Variants in ANKH observed in about 807,000 individuals in gnomAD.
ANKH encodes ANKH inorganic pyrophosphate transport regulator.
Under a neutral mutation model 49.0 loss-of-function variants are expected in ANKH, and 15 were observed. The observed-to-expected ratio is 0.31, with a 90% CI of 0.20 to 0.47. The LOEUF is 0.47. Among genes scored for constraint, ANKH ranks in the 20% least tolerant of loss-of-function variants. The probability of loss-of-function intolerance (pLI) is 1.00; values close to 1 mark genes in which losing one functional copy is unlikely to be tolerated. For missense variants in ANKH, 429 were observed against 652.0 expected (o/e 0.66, Z 3.72); for synonymous variants, 273 against 260.0 (o/e 1.05, Z -0.48).
chr5:14,753,216 G>C (rs1738776742), intron 4 of ANKH, among the ~76,000 whole-genome samples: 1 of 152,170 alleles, frequency 6.6e-6, no homozygotes, highest in African/African-American at 2.4e-5. Context: ...GACTCTGTGA[G>C]GTGGGAAATG....
intron 1 of ANKH, among the ~76,000 whole-genome samples, chr5:14,803,439 C>T (rs935024488): frequency 1.3e-5 from 2 of 152,048 alleles, no homozygotes; most frequent in African/African-American, 4.8e-5. Flanking sequence ...ACCACCACTC[C>T]CAACTAATTT....
chr5:14,709,073 T>C lies in ANKH; in HGVS notation c.*2124A>G, dbSNP rs547973458. 2 of 152,314 alleles carry C rather than the reference T, an allele frequency of 1.3e-5. No individual in the cohort carries two copies. Among genetic ancestry groups the C allele is most frequent in the South Asian group, 4.1e-4 (2 of 4,822 alleles). 9.4% of individuals were successfully genotyped at this position (152,314 alleles called of 1,614,324 possible). Reference sequence around the variant, plus strand: ...CACCCCCAGCTAATTTTTATGTTTTTAGTAGAGACAGGGTTTTGCCATGTT... The same window carrying C: ...CACCCCCAGCTAATTTTTATGTTTTCAGTAGAGACAGGGTTTTGCCATGTT... On this transcript the variant is annotated 3_prime_UTR_variant, in exon 12 of 12. Coordinates refer to ENST00000284268, the MANE Select transcript of ANKH (RefSeq NM_054027.6).
intron 8 of ANKH, among the ~76,000 whole-genome samples, chr5:14,722,307 G>A (rs1195564565): frequency 6.6e-6 from 1 of 152,188 alleles, no homozygotes; most frequent in African/African-American, 2.4e-5. Context: ...CAGCTGCAGA[G>A]GTGGGTTTTC....
Position 14,707,574 on chromosome 5 carries a change from T to A in ANKH, c.*3623A>T, listed in dbSNP as rs1199348839. On this transcript the variant is annotated 3_prime_UTR_variant, in exon 12 of 12. Coordinates refer to ENST00000284268, the MANE Select transcript of ANKH (RefSeq NM_054027.6). ...CCTGAGCTGGCCCCGCTGCGACGCA[T>A]CCTGGCGTCTGGAGAACTCAGCCCA... 6.6e-6 allele frequency: 1 copy of A among 152,218 alleles called. No individual in the cohort carries two copies. The highest frequency in any genetic ancestry group is 1.5e-5 in the Non-Finnish European group (1 of 68,056). The allele number at this position is 152,218 out of a possible 1,614,324, so 9.4% of individuals were successfully genotyped here. A position where few individuals can be genotyped will look rare whatever the true frequency, so the allele number is the denominator to read the frequency against.
intron 1 of ANKH, among the ~76,000 whole-genome samples, chr5:14,792,937 A>G (rs1740215325): frequency 6.9e-6 from 1 of 144,122 alleles, no homozygotes; most frequent in Admixed American, 7.3e-5. Context: ...AGATTATGCC[A>G]CCACACTCCA....
At chr5:14,786,570 G>A (rs1349300994) in intron 1 of ANKH, among the ~76,000 whole-genome samples, 1 of 152,110 alleles carries the variant, frequency 6.6e-6, no homozygotes, top group Non-Finnish European at 1.5e-5. Context: ...TGCTCACAGG[G>A]CACAGACACA....
intron 1 of ANKH, among the ~76,000 whole-genome samples, chr5:14,836,788 C>CA (rs1391322562): frequency 2.0e-5 from 3 of 152,030 alleles, no homozygotes; most frequent in African/African-American, 7.2e-5. Flanking sequence ...CATATGGAAC[C>CA]AAAAAAGAGC....
intron 1 of ANKH, among the ~76,000 whole-genome samples, chr5:14,811,536 A>T (rs31912): frequency 0.62 from 94,286 of 152,036 alleles, 29,653 homozygotes; most frequent in East Asian, 0.84. Flanking sequence ...GTATTCTGAT[A>T]ATGGTATACC....
chr5:14,800,567 G>A (rs10066322), intron 1 of ANKH, among the ~76,000 whole-genome samples: 15,128 of 152,190 alleles, frequency 0.099, 1,173 homozygotes, highest in East Asian at 0.42. Context: ...GCAAGATCCT[G>A]TATCCACAAA....
intron 1 of ANKH, among the ~76,000 whole-genome samples, chr5:14,810,928 C>G (rs1313673815): frequency 6.6e-6 from 1 of 152,096 alleles, no homozygotes; most frequent in Non-Finnish European, 1.5e-5. Context: ...ATTCAATGCT[C>G]TCATTTCCAT....
At chr5:14,858,715 C>CAATAAATA (rs141592621) in intron 1 of ANKH, among the ~76,000 whole-genome samples, 26 of 139,862 alleles carry the variant, frequency 1.9e-4, no homozygotes, top group Non-Finnish European at 3.2e-4. Context: ...GAATCCATCT[C>CAATAAATA]AATAAATAAA....
chr5:14,715,155 G>A (rs10057226), intron 9 of ANKH, among the ~76,000 whole-genome samples: 3,728 of 152,182 alleles, frequency 0.024, 136 homozygotes, highest in African/African-American at 0.085. Flanking sequence ...TTTTGAGACG[G>A]AGTTTCACTC....
At chr5:14,760,189 CAAG>C (rs1164711710) in intron 2 of ANKH, among the ~76,000 whole-genome samples, 1 of 151,934 alleles carries the variant, frequency 6.6e-6, no homozygotes, top group Non-Finnish European at 1.5e-5. Context: ...ACTGAGGCAC[CAAG>C]AAGAGAAATC....
chr5:14,854,168 C>T (rs1742194499), intron 1 of ANKH, among the ~76,000 whole-genome samples: 2 of 152,176 alleles, frequency 1.3e-5, no homozygotes, highest in African/African-American at 4.8e-5. Context: ...AATATCATAG[C>T]ATTTGCAGGT....
At chr5:14,853,311 C>G (rs1433259805) in intron 1 of ANKH, among the ~76,000 whole-genome samples, 1 of 152,146 alleles carries the variant, frequency 6.6e-6, no homozygotes, top group Non-Finnish European at 1.5e-5. Context: ...TGTGGTGGCT[C>G]ACGCCTGTAA....
At chr5:14,843,805 T>C (rs1225523773) in intron 1 of ANKH, among the ~76,000 whole-genome samples, 1 of 152,080 alleles carries the variant, frequency 6.6e-6, no homozygotes, top group East Asian at 1.9e-4. Flanking sequence ...AAGGATAACT[T>C]AAGGGTTACA....
chr5:14,776,079 G>A (rs746590481), intron 1 of ANKH, among the ~76,000 whole-genome samples: 15 of 152,208 alleles, frequency 9.9e-5, no homozygotes, highest in Non-Finnish European at 1.5e-4. Flanking sequence ...TGCTTCCCAC[G>A]TTTCTTCCCA....
At chr5:14,801,019 C>T (rs1435260990) in intron 1 of ANKH, among the ~76,000 whole-genome samples, 1 of 152,190 alleles carries the variant, frequency 6.6e-6, no homozygotes, top group Non-Finnish European at 1.5e-5. Context: ...AGCTACCACA[C>T]CCAGCCCAAA....
chr5:14,831,807 C>T (rs890279365), intron 1 of ANKH, among the ~76,000 whole-genome samples: 6 of 152,160 alleles, frequency 3.9e-5, no homozygotes, highest in African/African-American at 9.7e-5. Context: ...ACATATTCAC[C>T]GTGCTAATTA....
Sources: gnomAD v4.1 joint callset for allele counts (sites outside exome capture counted in the v4.1 genomes callset) on GRCh38, gnomAD v4.1.1 for gene constraint, MANE v1.5 for transcripts, NCBI Gene and HGNC (gene_info 2026-07-23, HGNC 2026-07-21) for gene names.